SLC9C1: variants seen among roughly 807,000 people sequenced by gnomAD.
SLC9C1 encodes solute carrier family 9 member C1, also known as sodium/hydrogen exchanger 10.
Under a neutral mutation model 140.9 loss-of-function variants are expected in SLC9C1, and 97 were observed. The ratio of observed to expected loss-of-function variants is 0.69; its 90% CI spans 0.58 to 0.82. SLC9C1 has a LOEUF of 0.82. Ranked by LOEUF, SLC9C1 falls within the 40% of genes least tolerant of loss-of-function variation. The pLI is 0.00. For missense variants in SLC9C1, 1,340 were observed against 1,389.3 expected (o/e 0.96, Z 0.56); for synonymous variants, 440 against 442.6 (o/e 0.99, Z 0.07).
At chr3:112,259,309 G>A (rs1245186788) in intron 10 of SLC9C1, among the ~76,000 whole-genome samples, 1 of 151,756 alleles carries the variant, frequency 6.6e-6, no homozygotes, top group East Asian at 1.9e-4. Context: ...GTGGAGGATA[G>A]GAGAAGGGAG....
At chr3:112,166,204 C>A (rs2077131262) in intron 26 of SLC9C1, among the ~76,000 whole-genome samples, 1 of 152,222 alleles carries the variant, frequency 6.6e-6, no homozygotes, top group African/African-American at 2.4e-5. Flanking sequence ...AATTCCCTAA[C>A]CCCTTGTGCT....
chr3:112,144,747 T>C, intron 28 of SLC9C1, among the ~76,000 whole-genome samples: 1 of 152,164 alleles, frequency 6.6e-6, no homozygotes, highest in Admixed American at 6.5e-5. Context: ...GCTCTCAGCT[T>C]GAACATTGGT....
At chr3:112,278,955 T>A (rs1185631808) in intron 3 of SLC9C1, 98 bp from the exon 4 acceptor site, 2 of 1,234,188 alleles carry the variant, frequency 1.6e-6, no homozygotes, top group Non-Finnish European at 2.2e-6. Flanking sequence ...AGAAAGACAA[T>A]TTTTAAAAGA....
At chr3:112,220,967 T>C (rs1335480981) in intron 14 of SLC9C1, among the ~76,000 whole-genome samples, 161 bp downstream of exon 14, 1 of 152,152 alleles carries the variant, frequency 6.6e-6, no homozygotes, top group Non-Finnish European at 1.5e-5. Flanking sequence ...TAGTTTGGCC[T>C]GAGGGTGGGG....
intron 27 of SLC9C1, among the ~76,000 whole-genome samples, chr3:112,152,521 G>A (rs1206460223): frequency 6.6e-6 from 1 of 151,532 alleles, no homozygotes; most frequent in Non-Finnish European, 1.5e-5. Context: ...GCCTTCCTCT[G>A]ATCTCAACTG....
At chr3:112,141,607 T>C (rs984411106) in intron 28 of SLC9C1, among the ~76,000 whole-genome samples, 2 of 152,290 alleles carry the variant, frequency 1.3e-5, no homozygotes, top group African/African-American at 2.4e-5. Context: ...TTACCACTCA[T>C]TGAGCTTCAG....
chr3:112,146,946 C>G (rs1412525689), intron 28 of SLC9C1, among the ~76,000 whole-genome samples: 2 of 152,240 alleles, frequency 1.3e-5, no homozygotes, highest in South Asian at 4.1e-4. Flanking sequence ...TTTCATACAC[C>G]TAGAAGTATG....
rs1377345171 is a variant in SLC9C1, at chr3:112,208,273, A to T, written c.1891T>A (p.Ser631Thr). 6.2e-7 allele frequency: 1 copy of T among 1,611,080 alleles called. No homozygotes were observed. Among genetic ancestry groups the T allele is most frequent in the Admixed American group, 1.7e-5 (1 of 59,680 alleles). The stretch of plus-strand genomic sequence containing the variant: ...ATTACATTTAACTGGGATATCCAAG[A>T]GATTATAAAGGGAAATATATTCATT... ...ILMNIFPFII[S>T]WISQLNVIYH... is the part of the protein sequence containing the mutation. Residue 631 changes from serine to threonine, a missense_variant, in exon 16 of 29, where the codon TCT (serine) becomes ACT (threonine). By Grantham distance (58) the Ser-to-Thr change is moderately conservative. Coordinates refer to ENST00000305815, the MANE Select transcript of SLC9C1 (RefSeq NM_183061.3).
chr3:112,165,709 C>T (rs562746703), intron 26 of SLC9C1, among the ~76,000 whole-genome samples: 1 of 152,188 alleles, frequency 6.6e-6, no homozygotes, highest in Admixed American at 6.5e-5. Context: ...TTAGGCTACT[C>T]GGGGGTCAGG....
At chr3:112,267,575 CAAAAAAAAAAAA>C (rs71933510) in intron 7 of SLC9C1, among the ~76,000 whole-genome samples, 1 of 56,852 alleles carries the variant, frequency 1.8e-5, no homozygotes, top group Admixed American at 3.2e-4. Flanking sequence ...GACTCCGTCT[CAAAAAAAAAAAA>C]AAAAAAAAAA....
chr3:112,168,972 G>T lies in SLC9C1; in HGVS notation c.3142C>A (p.Leu1048Ile). The T allele has an allele frequency of 6.2e-7, 1 of 1,612,020 alleles. No homozygotes were observed. The highest frequency in any genetic ancestry group is 8.5e-7 in the Non-Finnish European group (1 of 1,179,304). The change falls in exon 25 of 29, where the codon CTA becomes ATA. Residue 1048 changes from leucine to isoleucine, a missense_variant. Leu to Ile is a conservative substitution (Grantham distance 5). Coordinates refer to ENST00000305815, the MANE Select transcript of SLC9C1 (RefSeq NM_183061.3). ...CCATGTATGAGGATAACATAGATTA[G>T]ATTTTCATCATAAATATCAGTTTTG... The part of the protein sequence containing the change: ...STKTDIYDEN[L>I]IYVILIHGAV...
chr3:112,243,144 C>G (rs2108227356), intron 11 of SLC9C1, among the ~76,000 whole-genome samples: 1 of 152,258 alleles, frequency 6.6e-6, no homozygotes, highest in South Asian at 2.1e-4. Context: ...AACAGAACTA[C>G]CATTCAAGCT....
chr3:112,284,756 TAAG>T (rs1361578008), intron 2 of SLC9C1, among the ~76,000 whole-genome samples: 2 of 152,130 alleles, frequency 1.3e-5, no homozygotes, highest in East Asian at 1.9e-4. Context: ...GACCCAAAGT[TAAG>T]AAGGAGTGAG....
At chr3:112,237,982 TC>T (rs2079037613) in intron 12 of SLC9C1, among the ~76,000 whole-genome samples, 1 of 152,190 alleles carries the variant, frequency 6.6e-6, no homozygotes, top group African/African-American at 2.4e-5. Flanking sequence ...TCTCTGTATT[TC>T]CTGAATTTGA....
At chr3:112,249,052 T>A (rs904376594) in intron 10 of SLC9C1, among the ~76,000 whole-genome samples, 6 of 152,168 alleles carry the variant, frequency 3.9e-5, no homozygotes, top group Admixed American at 1.3e-4. Context: ...TGCTTCCAGC[T>A]TTTGCTGATT....
intron 15 of SLC9C1, among the ~76,000 whole-genome samples, chr3:112,214,497 A>T (rs2078299967): frequency 6.6e-6 from 1 of 152,206 alleles, no homozygotes; most frequent in South Asian, 2.1e-4. Flanking sequence ...AAAAGAATCA[A>T]ATAGATGCAA....
At chr3:112,239,288 G>A (rs1348861095) in intron 12 of SLC9C1, among the ~76,000 whole-genome samples, 3 of 152,216 alleles carry the variant, frequency 2.0e-5, no homozygotes, top group Non-Finnish European at 4.4e-5. Flanking sequence ...TGTGCTGTTT[G>A]CTAAGACCAT....
intron 6 of SLC9C1, among the ~76,000 whole-genome samples, chr3:112,271,847 A>G (rs373864139): frequency 4.7e-4 from 71 of 152,212 alleles, no homozygotes; most frequent in African/African-American, 1.6e-3. Context: ...TGAGCATTTC[A>G]TATGTTTTAG....
At chr3:112,187,939 TTA>T (rs1375112030) in intron 20 of SLC9C1, among the ~76,000 whole-genome samples, 2 of 151,970 alleles carry the variant, frequency 1.3e-5, no homozygotes, top group African/African-American at 4.8e-5. Context: ...GGTGAATTTT[TTA>T]TATCAGTATA....
Sources: gnomAD v4.1 joint callset for allele counts (sites outside exome capture counted in the v4.1 genomes callset) on GRCh38, gnomAD v4.1.1 for gene constraint, MANE v1.5 for transcripts, NCBI Gene and HGNC (gene_info 2026-07-23, HGNC 2026-07-21) for gene names.